MUC13: variants seen among roughly 807,000 people sequenced by gnomAD.
The protein encoded by MUC13 is mucin-13.
Under a neutral mutation model 48.3 loss-of-function variants are expected in MUC13, and 32 were observed. The observed-to-expected ratio is 0.66, with a 90% CI of 0.50 to 0.89. MUC13 has a LOEUF of 0.89. MUC13 is among the 40% of genes least tolerant of loss of function. MUC13 has a pLI of 0.00. For missense variants in MUC13, 571 were observed against 622.8 expected (o/e 0.92, Z 0.88); for synonymous variants, 199 against 224.9 (o/e 0.88, Z 1.03).
chr3:124,922,083 G>GT, intron 4 of MUC13, 114 bp downstream of exon 4: 4 of 1,273,510 alleles, frequency 3.1e-6, no homozygotes, highest in Non-Finnish European at 4.3e-6. Flanking sequence ...TTCACTGTTT[G>GT]AACAACTGGT....
At chr3:124,917,443 C>A (rs114809942) in intron 5 of MUC13, among the ~76,000 whole-genome samples, 5,411 of 151,320 alleles carry the variant, frequency 0.036, 147 homozygotes, top group South Asian at 0.067. Context: ...ACCTCCTGGG[C>A]TCAGCTTATC....
chr3:124,931,257 C>T (rs545815991), intron 1 of MUC13, among the ~76,000 whole-genome samples: 1 of 149,718 alleles, frequency 6.7e-6, no homozygotes, highest in East Asian at 2.0e-4. Flanking sequence ...ATGATGAAAC[C>T]CTGTCTCTAC....
Position 124,920,327 on chromosome 3 carries a change from A to T in MUC13, c.745-38T>A, listed in dbSNP as rs190070132. On this transcript the variant is annotated intron_variant, in intron 4 of 11. Transcript: ENST00000616727. ...ACAGATTTAATAACAAGTAAAAAAA[A>T]TTTTTTTTTCACATTTTCTACAAAT... 945 of 1,512,972 alleles carry T rather than the reference A, an allele frequency of 6.2e-4. 4 individuals are homozygous for T. Among genetic ancestry groups the T allele is most frequent in the East Asian group, 5.8e-3 (247 of 42,296 alleles). The allele number at this position is 1,512,972 out of a possible 1,614,324, so 93.7% of individuals were successfully genotyped here.
rs62267683 is a variant in MUC13, at chr3:124,919,165, G to A, written c.800+1069C>T. On this transcript the variant is annotated intron_variant, in intron 5 of 11. Coordinates refer to ENST00000616727, the MANE Select transcript of MUC13 (RefSeq NM_033049.4). ...AGCCTGGCCAACATGGTGAAACCCCGTCTCTACTAAAAATACAAAAATTAG... is the reference window on the plus strand; with the variant it reads ...AGCCTGGCCAACATGGTGAAACCCCATCTCTACTAAAAATACAAAAATTAG... Among the ~76,000 whole-genome samples, 498 of 150,138 alleles carry A rather than the reference G, an allele frequency of 3.3e-3. 1 individual carries two copies. Among genetic ancestry groups the A allele is most frequent in the Non-Finnish European group, 5.7e-3 (383 of 67,666 alleles).
intron 1 of MUC13, among the ~76,000 whole-genome samples, chr3:124,933,837 T>G (rs1935838734): frequency 6.6e-6 from 1 of 152,180 alleles, no homozygotes; most frequent in Non-Finnish European, 1.5e-5. Flanking sequence ...AGGAAGCCAA[T>G]TGGCCTCCAC....
rs1366336834 is a variant in MUC13 at position 124,913,222 on chromosome 3, G to A, written c.1103C>T (p.Pro368Leu). 6.2e-7 allele frequency: 1 copy of A among 1,612,688 alleles called. No individual in the cohort carries two copies. Among genetic ancestry groups the A allele is most frequent in the Non-Finnish European group, 8.5e-7 (1 of 1,179,048 alleles). ...CTTGTGCTGTGCGTTGCAGGCATCA[G>A]GACACTTGAGACTGGAAGCTTCAAA... ...PFCVASSLKC[P>L]DACNAQHKQC... Residue 368 changes from proline (P) to leucine (L), a missense_variant, in exon 8 of 12, where the codon CCT becomes CTT. Pro to Leu is a moderately conservative substitution (Grantham distance 98, BLOSUM62 -3). Coordinates refer to ENST00000616727, the MANE Select transcript of MUC13 (RefSeq NM_033049.4).
chr3:124,916,626 G>C (rs1442196545), intron 5 of MUC13, 146 bp from the exon 6 acceptor site: 1 of 795,274 alleles, frequency 1.3e-6, no homozygotes, highest in Admixed American at 2.8e-5. Flanking sequence ...GGAGGCCGGG[G>C]GCTGCAAAAA....
At chr3:124,925,294 CT>C (rs1291714554) in intron 2 of MUC13, among the ~76,000 whole-genome samples, 1 of 152,158 alleles carries the variant, frequency 6.6e-6, no homozygotes, top group Non-Finnish European at 1.5e-5. Flanking sequence ...GTAAAAAGAT[CT>C]GTGGTTGCCA....
chr3:124,919,779 C>T (rs574746839), intron 5 of MUC13, among the ~76,000 whole-genome samples: 31 of 152,252 alleles, frequency 2.0e-4, no homozygotes, highest in Admixed American at 9.8e-4. Flanking sequence ...AGAAAGCTCA[C>T]CACTGACCCT....
At chr3:124,913,011 T>C (rs1394223924) in intron 8 of MUC13, 100 bp downstream of exon 8, 1 of 1,413,446 alleles carries the variant, frequency 7.1e-7, no homozygotes, top group Non-Finnish European at 9.5e-7. Context: ...TATGACAGCT[T>C]ACCAGCTTCC....
chr3:124,920,357 T>A lies in MUC13; in HGVS notation c.745-68A>T. The A allele has an allele frequency of 6.5e-6, 8 of 1,238,048 alleles. No individual in the cohort carries two copies. The Admixed American group carries it at 6.5e-5, about 10-fold the overall frequency. The allele number at this position is 1,238,048 out of a possible 1,614,324, so 76.7% of individuals were successfully genotyped here. A position where few individuals can be genotyped will look rare whatever the true frequency, so the allele number is the denominator to read the frequency against. The stretch of plus-strand genomic sequence containing the variant: ...TTTTTCACATTTTCTACAAATCAAA[T>A]GAGGCAGAAAAAAATAATGCTCTAT... On this transcript the variant is annotated intron_variant, in intron 4 of 11. Coordinates refer to ENST00000616727, the MANE Select transcript of MUC13 (RefSeq NM_033049.4).
Position 124,910,771 on chromosome 3 carries a change from T to C in MUC13, c.1253-272A>G, listed in dbSNP as rs181191137. ...GGATGGTGGCAGGGTCTTCCTGGAC[T>C]TTGTGGGGAGTGGAGTATCAGCTGA... On this transcript the variant is annotated intron_variant, in intron 9 of 11. Coordinates refer to ENST00000616727, the MANE Select transcript of MUC13 (RefSeq NM_033049.4). 2.0e-3 allele frequency among the ~76,000 whole-genome samples: 302 copies of C among 152,316 alleles called. 1 individual carries two copies. Among genetic ancestry groups the C allele is most frequent in the Admixed American group, 5.6e-3 (85 of 15,296 alleles).
At chr3:124,911,414 C>T (rs1445258792) in intron 9 of MUC13, among the ~76,000 whole-genome samples, 1 of 152,058 alleles carries the variant, frequency 6.6e-6, no homozygotes, top group Admixed American at 6.6e-5. Context: ...AATTGAAAGC[C>T]CTGAAGAAAG....
chr3:124,923,730 G>A (rs1337384774), intron 2 of MUC13, 81 bp from the exon 3 acceptor site: 3 of 1,447,766 alleles, frequency 2.1e-6, no homozygotes, highest in South Asian at 1.3e-5. Context: ...CCATCTTCAT[G>A]CCTCCCCCCT....
intron 3 of MUC13, 37 bp downstream of exon 3, chr3:124,923,490 T>C: frequency 6.3e-7 from 1 of 1,599,816 alleles, no homozygotes; most frequent in Non-Finnish European, 8.5e-7. Context: ...TGGTGTGAGA[T>C]ACAGAGCTCA....
Position 124,927,810 on chromosome 3 carries a change from G to T in MUC13, c.236C>A (p.Ser79Tyr), listed in dbSNP as rs1935722565. The change falls in exon 2 of 12, where the codon TCC (serine) becomes TAC (tyrosine). Residue 79 changes from serine (S) to tyrosine (Y), a missense_variant. By Grantham distance (144) the Ser-to-Tyr change is moderately radical. Transcript: ENST00000616727. Reference protein sequence around the residue: ...PAPPIISTHSSSTIPTPAPPI... With the variant: ...PAPPIISTHSYSTIPTPAPPI... ...GGGAGCAGGTGTAGGAATTGTGGAG[G>T]AACTATGTGTACTAATTATGGGGGG... 6.2e-7 allele frequency: 1 copy of T among 1,613,614 alleles called. No homozygotes were observed. Among genetic ancestry groups the T allele is most frequent in the Non-Finnish European group, 8.5e-7 (1 of 1,179,928 alleles).
chr3:124,916,664 C>T (rs1447086950), intron 5 of MUC13, among the ~76,000 whole-genome samples, 184 bp from the exon 6 acceptor site: 1 of 152,000 alleles, frequency 6.6e-6, no homozygotes, highest in Non-Finnish European at 1.5e-5. Flanking sequence ...TTGGAGGTCT[C>T]TATTTGATGT....
chr3:124,932,371 G>A (rs1206783171), intron 1 of MUC13, among the ~76,000 whole-genome samples: 1 of 152,060 alleles, frequency 6.6e-6, no homozygotes, highest in Non-Finnish European at 1.5e-5. Flanking sequence ...TCTGAGACCA[G>A]CCTAGCCAAC....
At chr3:124,915,009 C>G (rs180768670) in intron 6 of MUC13, among the ~76,000 whole-genome samples, 82 of 152,088 alleles carry the variant, frequency 5.4e-4, no homozygotes, top group African/African-American at 2.0e-3. Flanking sequence ...GAGGGAGGCA[C>G]GAAGGCGATT....
Sources: allele counts gnomAD v4.1 joint callset (sites outside exome capture counted in the v4.1 genomes callset), GRCh38; gene constraint gnomAD v4.1.1; transcripts MANE v1.5; gene names NCBI Gene and HGNC (gene_info 2026-07-23, HGNC 2026-07-21).